The following STK39 variants were observed in gnomAD, a reference collection of about 807,000 sequenced individuals.
STK39 encodes STE20/SPS1-related proline-alanine-rich protein kinase.
STK39 carries 20 observed loss-of-function variants against 77.8 expected under a neutral mutation model. The observed-to-expected ratio is 0.26, with a 90% CI of 0.18 to 0.37. The LOEUF is 0.37. Among genes scored for constraint, STK39 ranks in the 10% least tolerant of loss-of-function variants. The pLI is 1.00. For missense variants in STK39, 479 were observed against 656.5 expected (o/e 0.73, Z 2.95); for synonymous variants, 246 against 234.1 (o/e 1.05, Z -0.47).
intron 16 of STK39, among the ~76,000 whole-genome samples, chr2:167,998,724 C>T (rs1683915753): frequency 6.6e-6 from 1 of 152,184 alleles, no homozygotes; most frequent in African/African-American, 2.4e-5. Context: ...CTGCAGTCCT[C>T]CTGGCCCCCA....
chr2:168,144,068 T>C (rs1479591259), intron 5 of STK39, among the ~76,000 whole-genome samples: 2 of 152,192 alleles, frequency 1.3e-5, no homozygotes, highest in Admixed American at 6.5e-5. Context: ...GTAACATTGG[T>C]CATGGTCTAG....
At chr2:168,210,661 A>G (rs1689866797) in intron 1 of STK39, among the ~76,000 whole-genome samples, 1 of 152,188 alleles carries the variant, frequency 6.6e-6, no homozygotes, top group Admixed American at 6.5e-5. Context: ...CTGGGACCAC[A>G]GGCACCTGCC....
At chr2:167,956,462 G>A (rs1691765880) in intron 17 of STK39, among the ~76,000 whole-genome samples, 1 of 151,794 alleles carries the variant, frequency 6.6e-6, no homozygotes, top group Non-Finnish European at 1.5e-5. Flanking sequence ...GAGGCTGAGG[G>A]CTGAGGCAGG....
intron 14 of STK39, among the ~76,000 whole-genome samples, chr2:168,024,927 A>G (rs1684659045): frequency 6.6e-6 from 1 of 152,226 alleles, no homozygotes; most frequent in African/African-American, 2.4e-5. Flanking sequence ...GTTACCCATT[A>G]TCTTCACCAG....
At chr2:168,217,759 T>C (rs908973484) in intron 1 of STK39, among the ~76,000 whole-genome samples, 2 of 152,316 alleles carry the variant, frequency 1.3e-5, no homozygotes, top group East Asian at 3.9e-4. Flanking sequence ...AGTCTGTACA[T>C]GTTCAGTACA....
chr2:167,980,890 T>A (rs1011084499), intron 16 of STK39, among the ~76,000 whole-genome samples: 3 of 151,590 alleles, frequency 2.0e-5, no homozygotes, highest in Middle Eastern at 3.2e-3. Flanking sequence ...CTTCTTCTTC[T>A]TTTTTTTAAT....
At chr2:168,240,350 A>G (rs1285228991) in intron 1 of STK39, among the ~76,000 whole-genome samples, 1 of 152,262 alleles carries the variant, frequency 6.6e-6, no homozygotes, top group Admixed American at 6.5e-5. Context: ...ATTTTGGTAT[A>G]GCAGTATCTT....
intron 14 of STK39, among the ~76,000 whole-genome samples, chr2:168,039,622 A>AAG (rs1685052236): frequency 1.3e-5 from 2 of 151,024 alleles, no homozygotes; most frequent in African/African-American, 4.9e-5. Context: ...AAAAAAAAAA[A>AAG]GCAGATCAGT....
At chr2:168,039,921 T>C (rs1248752550) in intron 14 of STK39, among the ~76,000 whole-genome samples, 2 of 152,202 alleles carry the variant, frequency 1.3e-5, no homozygotes, top group Non-Finnish European at 2.9e-5. Context: ...TGATATATTA[T>C]ACAACCAAAT....
At chr2:168,226,442 C>T (rs1690308284) in intron 1 of STK39, among the ~76,000 whole-genome samples, 1 of 152,058 alleles carries the variant, frequency 6.6e-6, no homozygotes, top group Non-Finnish European at 1.5e-5. Context: ...GCAGATTAAC[C>T]AATTTTGTTA....
At chr2:168,089,644 G>A (rs1477770665) in intron 10 of STK39, among the ~76,000 whole-genome samples, 5 of 152,238 alleles carry the variant, frequency 3.3e-5, no homozygotes, top group South Asian at 4.1e-4. Context: ...AGACAGTTTC[G>A]CTCTTGTTGC....
chr2:168,216,499 T>A (rs766216718), intron 1 of STK39, among the ~76,000 whole-genome samples: 1 of 152,176 alleles, frequency 6.6e-6, no homozygotes, highest in Non-Finnish European at 1.5e-5. Context: ...AAGGCAAAAG[T>A]TGTGTTTGGC....
Position 168,200,549 on chromosome 2 carries a change from C to T in STK39, c.209-18459G>A, listed in dbSNP as rs192479673. 8.0e-4 allele frequency among the ~76,000 whole-genome samples: 121 copies of T among 152,068 alleles called. 3 individuals carry two copies. The highest frequency in any genetic ancestry group is 6.8e-3 in the Middle Eastern group (2 of 294). The stretch of plus-strand genomic sequence containing the variant: ...AAAATTAGCCAGGTGTGGTGGCATG[C>T]GCCTGTAACCCCAGCTACTTGGGAG... On this transcript the variant is annotated intron_variant, in intron 1 of 17. Transcript: ENST00000355999.
intron 16 of STK39, among the ~76,000 whole-genome samples, chr2:167,973,707 T>C (rs1683183362): frequency 6.6e-6 from 1 of 152,172 alleles, no homozygotes; most frequent in African/African-American, 2.4e-5. Context: ...TAAGATGGCA[T>C]AGGAATGCAA....
chr2:168,134,917 G>A (rs980007833), intron 8 of STK39, among the ~76,000 whole-genome samples: 9 of 152,142 alleles, frequency 5.9e-5, no homozygotes, highest in African/African-American at 2.2e-4. Flanking sequence ...ATTTAGGCAA[G>A]AGAAATAATA....
At chr2:168,094,447 C>T (rs945442875) in intron 10 of STK39, among the ~76,000 whole-genome samples, 1 of 151,586 alleles carries the variant, frequency 6.6e-6, no homozygotes, top group Non-Finnish European at 1.5e-5. Flanking sequence ...TGTCTTCCTG[C>T]CCTTTACAAC....
At chr2:167,996,355 C>T (rs1173763962) in intron 16 of STK39, among the ~76,000 whole-genome samples, 1 of 152,136 alleles carries the variant, frequency 6.6e-6, no homozygotes, top group Non-Finnish European at 1.5e-5. Flanking sequence ...TTTTTGCAGA[C>T]ACAACTCACT....
intron 9 of STK39, 42 bp downstream of exon 9, chr2:168,129,668 T>C (rs770598466): frequency 1.3e-5 from 21 of 1,614,012 alleles, no homozygotes; most frequent in Non-Finnish European, 1.7e-5. Context: ...TACACAGTGA[T>C]TTCAAAAATA....
At chr2:168,031,294 T>C (rs1684827565) in intron 14 of STK39, among the ~76,000 whole-genome samples, 1 of 152,168 alleles carries the variant, frequency 6.6e-6, no homozygotes, top group Non-Finnish European at 1.5e-5. Context: ...ACAAAATCTA[T>C]TTTCTTTTTA....
Sources: allele counts gnomAD v4.1 joint callset (sites outside exome capture counted in the v4.1 genomes callset), GRCh38; gene constraint gnomAD v4.1.1; transcripts MANE v1.5; gene names NCBI Gene and HGNC (gene_info 2026-07-23, HGNC 2026-07-21).